The following NCKAP5 variants were observed in gnomAD, a reference collection of about 807,000 sequenced individuals.
The protein encoded by NCKAP5 is NCK associated protein 5.
In NCKAP5, 92 loss-of-function variants were observed where a neutral mutation model predicts 167.0. The observed-to-expected ratio is 0.55, with a 90% CI of 0.47 to 0.66. The LOEUF (loss-of-function observed/expected upper bound fraction) is 0.66, where lower values mean the gene tolerates loss of function less well. Among genes scored for constraint, NCKAP5 ranks in the 30% least tolerant of loss-of-function variants. NCKAP5 has a pLI of 0.00. For missense variants in NCKAP5, 2,378 were observed against 2,315.0 expected (o/e 1.03, Z -0.56); for synonymous variants, 891 against 877.4 (o/e 1.02, Z -0.27).
At chr2:133,359,527 G>T (rs1684958671) in intron 3 of NCKAP5, among the ~76,000 whole-genome samples, 1 of 152,086 alleles carries the variant, frequency 6.6e-6, no homozygotes, top group Non-Finnish European at 1.5e-5. Context: ...TTTTCTCTGG[G>T]ATTATAACCA....
chr2:133,225,959 T>C (rs1399854075), intron 4 of NCKAP5, among the ~76,000 whole-genome samples: 2 of 151,776 alleles, frequency 1.3e-5, no homozygotes, highest in Non-Finnish European at 2.9e-5. Flanking sequence ...TTTTTCTGTA[T>C]TTTTAGTAGA....
chr2:133,464,582 C>T (rs1420037377), intron 3 of NCKAP5, among the ~76,000 whole-genome samples: 1 of 152,092 alleles, frequency 6.6e-6, no homozygotes, highest in African/African-American at 2.4e-5. Context: ...CCCAGCTACT[C>T]AGGAGGCTGA....
intron 3 of NCKAP5, among the ~76,000 whole-genome samples, chr2:133,453,985 A>G (rs1691699891): frequency 6.6e-6 from 1 of 152,072 alleles, no homozygotes; most frequent in Non-Finnish European, 1.5e-5. Flanking sequence ...ATTTACTTTA[A>G]TAATTATCTG....
At chr2:133,579,400 C>T in the NCKAP5 span, among the ~76,000 whole-genome samples, 1 of 152,166 alleles carries the variant, frequency 6.6e-6, no homozygotes, top group African/African-American at 2.4e-5. Context: ...TCTGGAGACA[C>T]ATAGAACTCA....
chr2:133,645,202 T>TA, the NCKAP5 span, among the ~76,000 whole-genome samples: 1 of 152,144 alleles, frequency 6.6e-6, no homozygotes, highest in Admixed American at 6.5e-5. Flanking sequence ...AAAGGAAAGC[T>TA]AAAAAGAATA....
At chr2:133,403,397 T>C (rs1237869876) in intron 3 of NCKAP5, among the ~76,000 whole-genome samples, 2 of 152,242 alleles carry the variant, frequency 1.3e-5, no homozygotes, top group Non-Finnish European at 1.5e-5. Flanking sequence ...GTGGCAGATA[T>C]GCATGGCCAC....
chr2:133,524,590 T>C (rs919726284), intron 2 of NCKAP5, among the ~76,000 whole-genome samples: 1 of 152,090 alleles, frequency 6.6e-6, no homozygotes, highest in African/African-American at 2.4e-5. Context: ...AAACCATGAC[T>C]CAGATGCCCC....
At chr2:133,417,708 CAGGACCTGGGAGCAAAGGCTAAAT>C (rs1689209648) in intron 3 of NCKAP5, among the ~76,000 whole-genome samples, 1 of 127,512 alleles carries the variant, frequency 7.8e-6, no homozygotes, top group Non-Finnish European at 1.8e-5. Flanking sequence ...GATGGAACAA[CAGGACCTGGGAGCAAAGGCTAAAT>C]AGCCCTGGTA....
In NCKAP5 at chr2:133,256,281, G is replaced by A. The variant is rs533077420; in HGVS notation, c.144-42502C>T. On this transcript the variant is annotated intron_variant, in intron 4 of 19. Coordinates refer to ENST00000409261, the MANE Select transcript of NCKAP5 (RefSeq NM_207363.3). ...GAGCCTTACCCCCTCTATTGAACTC[G>A]ATAATATAAAAATAGAAATTACATT... is the stretch of plus-strand genomic sequence containing the variant. 1.3e-3 allele frequency among the ~76,000 whole-genome samples: 195 copies of A among 151,816 alleles called. 1 individual carries two copies. Among genetic ancestry groups the A allele is most frequent in the Middle Eastern group, 3.4e-3 (1 of 294 alleles).
the NCKAP5 span, among the ~76,000 whole-genome samples, chr2:133,654,957 A>T: frequency 2.0e-5 from 3 of 152,254 alleles, no homozygotes; most frequent in Non-Finnish European, 4.4e-5. Flanking sequence ...TAACCACTCT[A>T]ATTCAATCAA....
intron 5 of NCKAP5, among the ~76,000 whole-genome samples, chr2:133,207,312 C>A (rs1214416376): frequency 1.3e-5 from 2 of 152,090 alleles, no homozygotes; most frequent in Admixed American, 6.6e-5. Context: ...TAGAAAGGAC[C>A]TACAGGGCTC....
intron 4 of NCKAP5, among the ~76,000 whole-genome samples, chr2:133,274,668 T>C (rs532179660): frequency 6.6e-6 from 1 of 151,938 alleles, no homozygotes; most frequent in East Asian, 1.9e-4. Flanking sequence ...AAAGAGACCC[T>C]AGAAACAGAC....
At chr2:133,066,219 C>A (rs904663082) in intron 6 of NCKAP5, among the ~76,000 whole-genome samples, 3 of 152,166 alleles carry the variant, frequency 2.0e-5, no homozygotes, top group African/African-American at 7.2e-5. Flanking sequence ...GCTTAATTAC[C>A]AAACTGTAGA....
rs559837091 is a variant in NCKAP5 at position 133,043,516 on chromosome 2, T to G, written c.342-49277A>C. ...ATACACTAACACTAATGATAGCTGA[T>G]GAGCTAAAAAAAATTGCAAAAAAAA... On this transcript the variant is annotated intron_variant, in intron 6 of 19. Transcript: ENST00000409261. Among the ~76,000 whole-genome samples the G allele has an allele frequency of 5.3e-5, 8 of 152,232 alleles. No homozygotes were observed. The South Asian group carries it at 1.7e-3, about 32-fold the overall frequency.
At chr2:133,597,655 C>G in the NCKAP5 span, among the ~76,000 whole-genome samples, 1 of 103,578 alleles carries the variant, frequency 9.7e-6, no homozygotes, top group African/African-American at 4.1e-5. Flanking sequence ...GCCTGGGAGA[C>G]AGAGCAAGAC....
At position 133,309,417 on chromosome 2, in the gene NCKAP5, A is replaced by T. The variant is rs550115206; in HGVS notation, c.70-6307T>A. On this transcript the variant is annotated intron_variant, in intron 3 of 19. Coordinates refer to ENST00000409261, the MANE Select transcript of NCKAP5 (RefSeq NM_207363.3). Reference sequence around the variant, plus strand: ...TTTGAAACAATGAACCCCCCTTTCCACTTGCCCTCGTTAGTGTTCTGATAA... The same window carrying T: ...TTTGAAACAATGAACCCCCCTTTCCTCTTGCCCTCGTTAGTGTTCTGATAA... 2.6e-5 allele frequency among the ~76,000 whole-genome samples: 4 copies of T among 152,154 alleles called. No individual in the cohort carries two copies. The East Asian group carries it at 7.7e-4, about 29-fold the overall frequency.
At chr2:132,769,487 CAACA>C (rs1558744992) in intron 16 of NCKAP5, among the ~76,000 whole-genome samples, 9 of 151,798 alleles carry the variant, frequency 5.9e-5, no homozygotes, top group Non-Finnish European at 1.2e-4. Context: ...TTAGGTTAGA[CAACA>C]TGAAGAACAG....
At chr2:133,460,327 AC>A (rs1187798615) in intron 3 of NCKAP5, among the ~76,000 whole-genome samples, 1 of 152,180 alleles carries the variant, frequency 6.6e-6, no homozygotes, top group African/African-American at 2.4e-5. Context: ...GCTTAGAGCT[AC>A]CTGATTTTAG....
At chr2:132,718,425 A>G (rs1689579755) in intron 19 of NCKAP5, among the ~76,000 whole-genome samples, 1 of 152,242 alleles carries the variant, frequency 6.6e-6, no homozygotes, top group Admixed American at 6.5e-5. Context: ...TCTCTGTGAC[A>G]GTAATTCCCA....
Sources: allele counts gnomAD v4.1 joint callset (sites outside exome capture counted in the v4.1 genomes callset), GRCh38; gene constraint gnomAD v4.1.1; transcripts MANE v1.5; gene names NCBI Gene and HGNC (gene_info 2026-07-23, HGNC 2026-07-21).